The following DAAM1 variants were observed in gnomAD, a reference collection of about 807,000 sequenced individuals.
The protein encoded by DAAM1 is dishevelled associated activator of morphogenesis 1, also known as disheveled-associated activator of morphogenesis 1.
Under a neutral mutation model 130.0 loss-of-function variants are expected in DAAM1, and 52 were observed. The observed-to-expected ratio is 0.40, with a 90% CI of 0.32 to 0.50. The LOEUF is 0.50. Ranked by LOEUF, DAAM1 falls within the 20% of genes least tolerant of loss-of-function variation. The probability of loss-of-function intolerance (pLI) is 0.61; values close to 1 mark genes in which losing one functional copy is unlikely to be tolerated. For missense variants in DAAM1, 1,134 were observed against 1,303.8 expected, an observed-to-expected ratio of 0.87 and a Z score of 2.01; for synonymous variants, 452 against 444.5, an observed-to-expected ratio of 1.02 and a Z score of -0.21.
At position 59,321,277 on chromosome 14, in the gene DAAM1, A is replaced by T. The variant is rs927119147; in HGVS notation, c.440+693A>T. ...AGAATAGGCCAATCCATAGAAACAG[A>T]AAGTAGATTAGTGGTTGCCAGGAGC... On this transcript the variant is annotated intron_variant, in intron 5 of 24. Transcript: ENST00000360909. Among the ~76,000 whole-genome samples, 6 of 152,208 alleles carry T rather than the reference A, an allele frequency of 3.9e-5. No individual in the cohort carries two copies. The East Asian group carries it at 1.2e-3, about 29-fold the overall frequency.
At chr14:59,363,822 G>A in intron 23 of DAAM1, 40 bp downstream of exon 23, 1 of 1,609,286 alleles carries the variant, frequency 6.2e-7, no homozygotes, top group Non-Finnish European at 8.5e-7. Flanking sequence ...GTTTGACCGG[G>A]CTGGGCTTCA....
intron 1 of DAAM1, among the ~76,000 whole-genome samples, chr14:59,259,083 G>A (rs749035101): frequency 1.3e-5 from 2 of 152,130 alleles, no homozygotes; most frequent in African/African-American, 2.4e-5. Flanking sequence ...CCCCTCCTCA[G>A]TGCAGCCAGA....
At chr14:59,355,062 T>A in intron 19 of DAAM1, 103 bp from the exon 20 acceptor site, 1 of 1,420,938 alleles carries the variant, frequency 7.0e-7, no homozygotes, top group Non-Finnish European at 9.5e-7. Context: ...ATCTTCAATA[T>A]CTGTTATTAA....
chr14:59,253,002 G>GCT (rs1881715729), intron 1 of DAAM1, among the ~76,000 whole-genome samples: 1 of 152,132 alleles, frequency 6.6e-6, no homozygotes, highest in African/African-American at 2.4e-5. Flanking sequence ...AAAGTGTTGT[G>GCT]CTCTAGCTTT....
chr14:59,192,721 T>C (rs1887768564), intron 1 of DAAM1, among the ~76,000 whole-genome samples: 1 of 152,202 alleles, frequency 6.6e-6, no homozygotes, highest in African/African-American at 2.4e-5. Context: ...TGAATACCAA[T>C]CTTAAGTACG....
At chr14:59,286,371 G>C (rs1368369532) in intron 2 of DAAM1, among the ~76,000 whole-genome samples, 4 of 151,978 alleles carry the variant, frequency 2.6e-5, no homozygotes, top group Admixed American at 2.6e-4. Context: ...ACAGGAACTA[G>C]AAAAACAAGA....
chr14:59,275,448 T>G (rs1181755790), intron 2 of DAAM1, among the ~76,000 whole-genome samples: 2 of 152,156 alleles, frequency 1.3e-5, no homozygotes, highest in South Asian at 2.1e-4. Context: ...AAAAAAAAAT[T>G]TATCTAGTAA....
chr14:59,352,636 A>C lies in DAAM1; in HGVS notation c.2267+4A>C, dbSNP rs748147698. 9 of 1,609,820 alleles carry C rather than the reference A, an allele frequency of 5.6e-6. No individual in the cohort carries two copies. The highest frequency in any genetic ancestry group is 7.6e-6 in the Non-Finnish European group (9 of 1,178,020). On this transcript the variant is annotated splice_donor_region_variant and intron_variant, in intron 18 of 24. Transcript: ENST00000360909. ...GGTTCCTTTTTGAGATGAGCCGGTG[A>C]GTTTGAAAATGCTGGGAATGTGAAG...
Position 59,203,272 on chromosome 14 carries a change from T to C in DAAM1, c.-38+14504T>C, listed in dbSNP as rs1293771720. ...ATCTGCCCGCCTTGGCCTCCCAAAG[T>C]GCTGGGATTACAGGCGTGAATAGCT... is the stretch of plus-strand genomic sequence containing the variant. On this transcript the variant is annotated intron_variant, in intron 1 of 24. Coordinates refer to ENST00000360909, the MANE Select transcript of DAAM1 (RefSeq NM_001270520.2). Among the ~76,000 whole-genome samples, 6 of 151,052 alleles carry C rather than the reference T, an allele frequency of 4.0e-5. No individual in the cohort carries two copies. In the Admixed American group the frequency reaches 4.0e-4, roughly 10 times the overall value.
intron 3 of DAAM1, among the ~76,000 whole-genome samples, chr14:59,301,403 A>G (rs1227040288): frequency 6.6e-6 from 1 of 152,078 alleles, no homozygotes; most frequent in African/African-American, 2.4e-5. Context: ...TATCGTTCAA[A>G]TGAACAATTT....
chr14:59,346,754 AT>A (rs1448829466), intron 16 of DAAM1, among the ~76,000 whole-genome samples: 2 of 152,314 alleles, frequency 1.3e-5, no homozygotes, highest in African/African-American at 4.8e-5. Flanking sequence ...TATATTTTAT[AT>A]TTTACAGTCA....
chr14:59,343,228 T>C (rs1194853488), intron 16 of DAAM1, among the ~76,000 whole-genome samples: 1 of 152,176 alleles, frequency 6.6e-6, no homozygotes, highest in Non-Finnish European at 1.5e-5. Context: ...TGTGTTTGTT[T>C]AATAAGGTTT....
Position 59,290,809 on chromosome 14 carries a change from C to G in DAAM1, c.184-408C>G, listed in dbSNP as rs143389387. ...CATATCCAGGTTCTTCAGGGCCCAG[C>G]CTGTTAGTGTTTGTGAAGCCATCCC... On this transcript the variant is annotated intron_variant, in intron 2 of 24. Transcript: ENST00000360909. Among the ~76,000 whole-genome samples, 36 of 152,300 alleles carry G rather than the reference C, an allele frequency of 2.4e-4. No homozygotes were observed. The East Asian group carries it at 6.2e-3, about 26-fold the overall frequency.
chr14:59,245,289 T>G (rs949282893), intron 1 of DAAM1, among the ~76,000 whole-genome samples: 3 of 152,216 alleles, frequency 2.0e-5, no homozygotes, highest in African/African-American at 7.2e-5. Flanking sequence ...TGTTTCCATT[T>G]GGTGCCCTTT....
chr14:59,355,872 T>G (rs1326497237), intron 20 of DAAM1, among the ~76,000 whole-genome samples: 1 of 152,206 alleles, frequency 6.6e-6, no homozygotes, highest in Non-Finnish European at 1.5e-5. Flanking sequence ...TAGGTTGTGT[T>G]TTTATTTATA....
In DAAM1 at chr14:59,249,542, T is replaced by C. The variant is rs149572942; in HGVS notation, c.-37-13899T>C. 2.2e-3 allele frequency among the ~76,000 whole-genome samples: 335 copies of C among 152,348 alleles called. 1 individual carries two copies. The highest frequency in any genetic ancestry group is 7.6e-3 in the African/African-American group (314 of 41,578). On this transcript the variant is annotated intron_variant, in intron 1 of 24. Transcript: ENST00000360909. ...TGCAACTAAGTAAACTTGGGAAGTG[T>C]ATTCAGGAAGTAATTAGAGTTCTTA...
At chr14:59,294,297 A>G (rs763114140) in intron 3 of DAAM1, among the ~76,000 whole-genome samples, 1 of 152,250 alleles carries the variant, frequency 6.6e-6, no homozygotes, top group Non-Finnish European at 1.5e-5. Context: ...GGCAGCAGCT[A>G]TCTGCTTATC....
chr14:59,321,111 G>A (rs555340219), intron 5 of DAAM1, among the ~76,000 whole-genome samples: 6 of 140,708 alleles, frequency 4.3e-5, no homozygotes, highest in Admixed American at 2.1e-4. Flanking sequence ...TCCACATAAT[G>A]GAATATAATT....
chr14:59,320,422 GT>G, intron 4 of DAAM1, 67 bp from the exon 5 acceptor site: 1 of 1,232,638 alleles, frequency 8.1e-7, no homozygotes, highest in Non-Finnish European at 1.1e-6. Flanking sequence ...TAATCTGTAG[GT>G]TTGTCTTGTT....
Sources: allele counts gnomAD v4.1 joint callset (sites outside exome capture counted in the v4.1 genomes callset), GRCh38; gene constraint gnomAD v4.1.1; transcripts MANE v1.5; gene names NCBI Gene and HGNC (gene_info 2026-07-23, HGNC 2026-07-21).